The following ZBTB37 variants were observed in gnomAD, a reference collection of about 807,000 sequenced individuals.
ZBTB37 encodes zinc finger and BTB domain containing 37, also known as zinc finger and BTB domain-containing protein 37.
ZBTB37 carries 15 observed loss-of-function variants against 37.7 expected under a neutral mutation model. That is an observed-to-expected ratio of 0.40 (90% confidence interval 0.27 to 0.61). The LOEUF is 0.61. Ranked by LOEUF, ZBTB37 falls within the 20% of genes least tolerant of loss-of-function variation. The probability of loss-of-function intolerance (pLI) is 0.44; values close to 1 mark genes in which losing one functional copy is unlikely to be tolerated. For synonymous variants in ZBTB37, 231 were observed against 220.6 expected (o/e 1.05, Z -0.42); for missense variants, 514 against 641.9 (o/e 0.80, Z 2.15).
chr1:173,874,116 A>G (rs1290800097), intron 4 of ZBTB37, among the ~76,000 whole-genome samples: 3 of 151,790 alleles, frequency 2.0e-5, no homozygotes, highest in South Asian at 4.2e-4. Context: ...TTACCCAGGC[A>G]TGGTGGCACG....
chr1:173,886,290 A>G (rs1034318327), exon 5 of ZBTB37: 5 of 1,096,270 alleles, frequency 4.6e-6, no homozygotes, highest in African/African-American at 1.6e-5. Context: ...CAAAAGCACT[A>G]AAGGCTCCTC....
At chr1:173,881,783 G>A (rs1234031620) in intron 4 of ZBTB37, among the ~76,000 whole-genome samples, 1 of 152,088 alleles carries the variant, frequency 6.6e-6, no homozygotes, top group Non-Finnish European at 1.5e-5. Flanking sequence ...GGCCGGGCGT[G>A]GTGGCTCACA....
intron 3 of ZBTB37, 54 bp downstream of exon 3, chr1:173,871,202 C>G: frequency 2.7e-6 from 4 of 1,472,186 alleles, no homozygotes; most frequent in Non-Finnish European, 3.6e-6. Context: ...GTAGACATCA[C>G]TAAAGTGTCC....
intron 4 of ZBTB37, 55 bp from the exon 5 acceptor site, chr1:173,885,581 T>C (rs1656578161): frequency 1.4e-6 from 2 of 1,383,600 alleles, no homozygotes; most frequent in Non-Finnish European, 9.7e-7. Context: ...TTGCTTTTAA[T>C]ATGTATGCTT....
downstream of ZBTB37, chr1:173,889,047 A>T (rs890437782): frequency 6.6e-6 from 1 of 152,220 alleles, no homozygotes; most frequent in East Asian, 1.9e-4. Flanking sequence ...TAGCACAATC[A>T]TGTTTGCTGG....
chr1:173,874,338 C>CTT (rs371801992), intron 4 of ZBTB37, among the ~76,000 whole-genome samples: 9 of 141,268 alleles, frequency 6.4e-5, no homozygotes, highest in African/African-American at 1.6e-4. Flanking sequence ...TAGAAAACAT[C>CTT]TTTTTTTTTT....
downstream of ZBTB37, chr1:173,887,250 T>C (rs1398090823): frequency 1.3e-5 from 2 of 152,212 alleles, no homozygotes; most frequent in Non-Finnish European, 2.9e-5. Context: ...TATACATATG[T>C]AATAGTTTAT....
downstream of ZBTB37, chr1:173,887,959 A>G (rs1308538917): frequency 6.6e-6 from 1 of 151,420 alleles, no homozygotes; most frequent in Non-Finnish European, 1.5e-5. Context: ...AGAATTGTAC[A>G]TGTACATAAA....
chr1:173,889,866 T>C (rs1350536662), downstream of ZBTB37: 3 of 152,162 alleles, frequency 2.0e-5, no homozygotes, highest in African/African-American at 7.2e-5. Flanking sequence ...AAAATTTTAT[T>C]TTTTGTCATT....
downstream of ZBTB37, chr1:173,889,591 G>C (rs1273704087): frequency 6.6e-6 from 1 of 152,168 alleles, no homozygotes; most frequent in Non-Finnish European, 1.5e-5. Flanking sequence ...CCTTTATTCT[G>C]TCTGAACTCT....
exon 5 of ZBTB37, chr1:173,886,220 C>T: frequency 2.1e-6 from 3 of 1,455,774 alleles, no homozygotes; most frequent in Non-Finnish European, 2.7e-6. Context: ...CAAAATGCCA[C>T]ATCACTAGGC....
chr1:173,886,855 G>C (rs1164457845), downstream of ZBTB37: 1 of 152,258 alleles, frequency 6.6e-6, no homozygotes, highest in African/African-American at 2.4e-5. Context: ...TGAGTGTTGT[G>C]TTGAGGAAGA....
At chr1:173,892,699 AT>A (rs1371182288) in exon 4 of ZBTB37, 1 of 152,124 alleles carries the variant, frequency 6.6e-6, no homozygotes, top group Non-Finnish European at 1.5e-5. Flanking sequence ...CTTACCTGAC[AT>A]TTTTACCATT....
intron 4 of ZBTB37, among the ~76,000 whole-genome samples, chr1:173,878,676 T>C (rs1656119058): frequency 6.6e-6 from 1 of 152,262 alleles, no homozygotes; most frequent in Admixed American, 6.5e-5. Flanking sequence ...AAGCTTTAGC[T>C]TCTAGTGGTA....
intron 4 of ZBTB37, among the ~76,000 whole-genome samples, chr1:173,883,335 C>T (rs908179684): frequency 6.6e-6 from 1 of 152,084 alleles, no homozygotes; most frequent in African/African-American, 2.4e-5. Context: ...AAAAAATTAG[C>T]CAGGCATGGT....
chr1:173,870,845 G>A, exon 3 of ZBTB37: 1 of 1,614,256 alleles, frequency 6.2e-7, no homozygotes, highest in Non-Finnish European at 8.5e-7. Flanking sequence ...GATGTAGAGA[G>A]CCGGGAGCCC....
At chr1:173,900,747 T>G (rs1448370643) in exon 4 of ZBTB37, 2 of 152,250 alleles carry the variant, frequency 1.3e-5, no homozygotes, top group African/African-American at 4.8e-5. Context: ...CCTGGCTGTT[T>G]GCTTAGCATG....
exon 3 of ZBTB37, chr1:173,871,073 C>T: frequency 6.2e-7 from 1 of 1,614,126 alleles, no homozygotes; most frequent in East Asian, 2.2e-5. Flanking sequence ...GGCCATGGTT[C>T]TGTAGGACAG....
At chr1:173,878,597 A>T (rs199881116) in intron 4 of ZBTB37, among the ~76,000 whole-genome samples, 1 of 152,218 alleles carries the variant, frequency 6.6e-6, no homozygotes, top group East Asian at 1.9e-4. Flanking sequence ...GGAAGAGACC[A>T]GGAAAAGAAC....
Sources: gnomAD v4.1 joint callset for allele counts (sites outside exome capture counted in the v4.1 genomes callset) on GRCh38, gnomAD v4.1.1 for gene constraint, MANE v1.5 for transcripts, NCBI Gene and HGNC (gene_info 2026-07-23, HGNC 2026-07-21) for gene names.